The following DPP6 variants were observed in gnomAD, a reference collection of about 807,000 sequenced individuals.
DPP6 encodes the protein A-type potassium channel modulatory protein DPP6.
Under a neutral mutation model 122.6 loss-of-function variants are expected in DPP6, and 69 were observed. The ratio of observed to expected loss-of-function variants is 0.56; its 90% CI spans 0.46 to 0.69. The LOEUF is 0.69. Ranked by LOEUF, DPP6 falls within the 30% of genes least tolerant of loss-of-function variation. The pLI is 0.00. For synonymous variants in DPP6, 418 were observed against 433.1 expected (o/e 0.97, Z 0.43); for missense variants, 928 against 1,116.9 (o/e 0.83, Z 2.41).
chr7:154,333,976 A>G (rs1461380544), intron 1 of DPP6, among the ~76,000 whole-genome samples: 1 of 152,236 alleles, frequency 6.6e-6, no homozygotes, highest in Non-Finnish European at 1.5e-5. Context: ...GACTGTTTCC[A>G]TAATACATTT....
the DPP6 span, among the ~76,000 whole-genome samples, chr7:153,852,707 GA>G: frequency 1.3e-5 from 2 of 151,970 alleles, no homozygotes; most frequent in Non-Finnish European, 2.9e-5. Context: ...GCTTATTTAT[GA>G]AAAAAATAGT....
intron 6 of DPP6, among the ~76,000 whole-genome samples, chr7:154,660,535 C>G (rs1355735897): frequency 6.3e-5 from 8 of 126,678 alleles, no homozygotes; most frequent in African/African-American, 2.2e-4. Flanking sequence ...CATATTGGCG[C>G]TAGTGTTCAT....
At chr7:154,220,784 A>G (rs994690065) in intron 1 of DPP6, among the ~76,000 whole-genome samples, 1 of 152,162 alleles carries the variant, frequency 6.6e-6, no homozygotes, top group African/African-American at 2.4e-5. Context: ...CTCATATGAT[A>G]AGCTGGGCTG....
chr7:154,373,892 T>C (rs1812889509), intron 1 of DPP6, among the ~76,000 whole-genome samples: 1 of 152,232 alleles, frequency 6.6e-6, no homozygotes, highest in Non-Finnish European at 1.5e-5. Flanking sequence ...ATTTGTCCTT[T>C]GTGCCTGGAT....
chr7:154,308,313 C>G (rs1450645173), intron 1 of DPP6, among the ~76,000 whole-genome samples: 1 of 95,828 alleles, frequency 1.0e-5, no homozygotes, highest in East Asian at 2.3e-4. Context: ...ACCGTGTTTG[C>G]TAAAAAAAAT....
At chr7:154,707,486 G>A (rs1285324217) in intron 7 of DPP6, among the ~76,000 whole-genome samples, 2 of 152,130 alleles carry the variant, frequency 1.3e-5, no homozygotes, top group African/African-American at 4.8e-5. Context: ...TACTCACTCA[G>A]AATAAACAGT....
chr7:154,494,361 A>T (rs1374717426), intron 3 of DPP6, among the ~76,000 whole-genome samples: 2 of 148,968 alleles, frequency 1.3e-5, no homozygotes, highest in Non-Finnish European at 3.0e-5. Flanking sequence ...GTCTCAAAAA[A>T]ATATATATTA....
intron 8 of DPP6, among the ~76,000 whole-genome samples, chr7:154,747,774 C>G (rs953026202): frequency 6.6e-6 from 1 of 152,142 alleles, no homozygotes; most frequent in African/African-American, 2.4e-5. Context: ...CTCAGCAATG[C>G]GGAGACGGTG....
intron 1 of DPP6, chr7:154,092,902 C>G (rs1804964278): frequency 6.6e-6 from 1 of 152,140 alleles, no homozygotes; most frequent in South Asian, 2.1e-4. Flanking sequence ...TCCGTCTGCG[C>G]CCATCAGTTG....
At chr7:154,706,838 G>T (rs1057025932) in intron 7 of DPP6, among the ~76,000 whole-genome samples, 1 of 152,188 alleles carries the variant, frequency 6.6e-6, no homozygotes, top group African/African-American at 2.4e-5. Flanking sequence ...TCTCTGGGTG[G>T]GTGACTCTGA....
intron 1 of DPP6, among the ~76,000 whole-genome samples, chr7:154,344,215 C>T (rs1283894515): frequency 6.6e-6 from 1 of 152,192 alleles, no homozygotes; most frequent in East Asian, 1.9e-4. Flanking sequence ...CAAGCACACC[C>T]TCACGTCTGT....
intron 7 of DPP6, 101 bp from the exon 8 acceptor site, chr7:154,727,666 G>A: frequency 1.4e-6 from 2 of 1,444,358 alleles, no homozygotes; most frequent in East Asian, 2.5e-5. Context: ...AAATACAACA[G>A]GAAAATGAAA....
At chr7:154,320,774 C>T (rs1343604633) in intron 1 of DPP6, among the ~76,000 whole-genome samples, 2 of 152,200 alleles carry the variant, frequency 1.3e-5, no homozygotes, top group Non-Finnish European at 2.9e-5. Context: ...GCGTGAGCCA[C>T]TGTGCCCGGC....
intron 17 of DPP6, among the ~76,000 whole-genome samples, chr7:154,855,094 G>A (rs976544478): frequency 8.5e-5 from 13 of 152,070 alleles, no homozygotes; most frequent in South Asian, 2.1e-4. Context: ...AACTGGAGGC[G>A]GCGGCGGTGA....
At chr7:153,898,387 G>A (rs1227759097) in intron 1 of DPP6, among the ~76,000 whole-genome samples, 1 of 152,154 alleles carries the variant, frequency 6.6e-6, no homozygotes, top group Non-Finnish European at 1.5e-5. Context: ...AGGAGTTCAA[G>A]GTTAAAGTGA....
intron 1 of DPP6, among the ~76,000 whole-genome samples, chr7:154,397,121 AT>A (rs1815157289): frequency 6.6e-6 from 1 of 150,520 alleles, no homozygotes; most frequent in South Asian, 2.1e-4. Flanking sequence ...TAAATGTAAA[AT>A]TATAAGATAA....
chr7:154,352,336 G>A (rs1466893329), intron 1 of DPP6, among the ~76,000 whole-genome samples: 5 of 151,956 alleles, frequency 3.3e-5, no homozygotes, highest in Non-Finnish European at 4.4e-5. Flanking sequence ...GGTGGTGGGC[G>A]CCTGTGGTCC....
chr7:154,474,901 GA>G (rs1169919948), intron 2 of DPP6, 37 bp from the exon 3 acceptor site: 3 of 1,508,052 alleles, frequency 2.0e-6, no homozygotes, highest in Non-Finnish European at 2.8e-6. Flanking sequence ...TACTAATTAT[GA>G]AACAAGCTTA....
At chr7:154,666,982 C>G (rs1427435113) in intron 6 of DPP6, among the ~76,000 whole-genome samples, 1 of 152,170 alleles carries the variant, frequency 6.6e-6, no homozygotes, top group Non-Finnish European at 1.5e-5. Context: ...CCTACAGTCT[C>G]CCCAGCACCA....
Sources: allele counts gnomAD v4.1 joint callset (sites outside exome capture counted in the v4.1 genomes callset), GRCh38; gene constraint gnomAD v4.1.1; transcripts MANE v1.5; gene names NCBI Gene and HGNC (gene_info 2026-07-23, HGNC 2026-07-21).